ABI3BP: variants seen among roughly 807,000 people sequenced by gnomAD.
The protein encoded by ABI3BP is ABI family member 3 binding protein, also known as target of Nesh-SH3.
A neutral mutation model predicts 268.6 loss-of-function variants in ABI3BP; 216 were observed. That is an observed-to-expected ratio of 0.80 (90% CI 0.72 to 0.90). The LOEUF (loss-of-function observed/expected upper bound fraction) is 0.90, where lower values mean the gene tolerates loss of function less well. Among genes scored for constraint, ABI3BP ranks in the 40% least tolerant of loss-of-function variants. The pLI, the probability that ABI3BP is intolerant of heterozygous loss-of-function variation, is 0.00. For synonymous variants in ABI3BP, 730 were observed against 730.0 expected, an observed-to-expected ratio of 1.00 and a Z score of 0.00; for missense variants, 2,090 against 2,182.4, an observed-to-expected ratio of 0.96 and a Z score of 0.84.
chr3:100,874,854 G>T lies in ABI3BP; in HGVS notation c.897C>A (p.Leu299=). ...ASLMFEISDA[L]KTQLAKNETL... is the part of the protein sequence containing the mutation. The stretch of plus-strand genomic sequence containing the variant: ...TTTTCTGCTTACCTAATTGTGTCTT[G>T]AGTGCATCTGAAATCTCAAACATTA... The change falls in exon 9 of 68, where the codon CTC becomes CTA. Residue 299 remains leucine, a synonymous_variant. Transcript: ENST00000471714. 8 of 1,591,428 alleles carry T rather than the reference G, an allele frequency of 5.0e-6. No homozygotes were observed. Among genetic ancestry groups the T allele is most frequent in the South Asian group, 1.1e-5 (1 of 87,580 alleles).
intron 12 of ABI3BP, chr3:100,863,379 G>C (rs1320054626): frequency 6.4e-6 from 1 of 157,028 alleles, no homozygotes; most frequent in African/African-American, 2.4e-5. Context: ...TGCGTGGCAC[G>C]ATCTTGGCTC....
At chr3:100,889,937 G>A (rs1013069942) in intron 4 of ABI3BP, among the ~76,000 whole-genome samples, 1 of 152,072 alleles carries the variant, frequency 6.6e-6, no homozygotes, top group African/African-American at 2.4e-5. Flanking sequence ...TTCTCAGAGA[G>A]GGACTGGACT....
chr3:100,804,373 A>G (rs1217608838), intron 51 of ABI3BP, among the ~76,000 whole-genome samples: 1 of 152,208 alleles, frequency 6.6e-6, no homozygotes, highest in East Asian at 1.9e-4. Context: ...CAATGTGGAC[A>G]TAGTACAATT....
At chr3:100,911,618 G>T in intron 2 of ABI3BP, 1 of 691,238 alleles carries the variant, frequency 1.4e-6, no homozygotes, top group Admixed American at 2.2e-5. Flanking sequence ...TTACTGCTTG[G>T]CTAAAACCAG....
At chr3:100,921,214 A>C (rs1463443131) in intron 2 of ABI3BP, among the ~76,000 whole-genome samples, 1 of 152,228 alleles carries the variant, frequency 6.6e-6, no homozygotes, top group African/African-American at 2.4e-5. Context: ...CAAACTCTTC[A>C]ATCAGAATTT....
At chr3:100,992,201 G>A (rs755616613) in intron 1 of ABI3BP, among the ~76,000 whole-genome samples, 2 of 151,946 alleles carry the variant, frequency 1.3e-5, no homozygotes, top group Non-Finnish European at 2.9e-5. Flanking sequence ...TCACATTATC[G>A]TGTGAAATAT....
At chr3:100,773,438 T>TA (rs1178946674) in intron 61 of ABI3BP, among the ~76,000 whole-genome samples, 1 of 152,106 alleles carries the variant, frequency 6.6e-6, no homozygotes, top group African/African-American at 2.4e-5. Flanking sequence ...ATGGCTAAAA[T>TA]AAAAAAGACT....
intron 67 of ABI3BP, among the ~76,000 whole-genome samples, chr3:100,751,072 T>C (rs917958321): frequency 2.0e-5 from 3 of 152,194 alleles, no homozygotes; most frequent in Admixed American, 6.5e-5. Flanking sequence ...TCAGTCCTCA[T>C]TACACAGCTT....
Position 100,886,192 on chromosome 3 carries a change from A to G in ABI3BP, c.593T>C (p.Val198Ala). The G allele has an allele frequency of 6.2e-7, 1 of 1,605,736 alleles. No individual in the cohort carries two copies. The highest frequency in any genetic ancestry group is 8.5e-7 in the Non-Finnish European group (1 of 1,175,904). ...AATCTTACTCCAAATTCCACCTTCC[A>G]CATTGTCTTTCACTCCAAATTCATA... ...TVYEFGVKDN[V>A]EGGIWSKIFN... is the part of the protein sequence containing the mutation. The change falls in exon 5 of 68, where the codon GTG becomes GCG. Residue 198 changes from valine (V) to alanine (A), a missense_variant. Transcript: ENST00000471714.
At chr3:100,771,598 T>C (rs1367287359) in intron 61 of ABI3BP, among the ~76,000 whole-genome samples, 1 of 152,104 alleles carries the variant, frequency 6.6e-6, no homozygotes, top group Non-Finnish European at 1.5e-5. Flanking sequence ...CCAAATCAAA[T>C]TTCTAGAGAT....
intron 1 of ABI3BP, among the ~76,000 whole-genome samples, chr3:100,957,495 T>C (rs1018013395): frequency 6.6e-6 from 1 of 152,152 alleles, no homozygotes; most frequent in Admixed American, 6.5e-5. Context: ...TGGTCAGGGC[T>C]AGAGATATAA....
At chr3:100,863,068 T>C (rs2099014965) in intron 12 of ABI3BP, 159 bp from the exon 13 acceptor site, 3 of 580,454 alleles carry the variant, frequency 5.2e-6, no homozygotes, top group Non-Finnish European at 9.0e-6. Flanking sequence ...CAATGTTGAA[T>C]ATAAGAAAGT....
intron 1 of ABI3BP, among the ~76,000 whole-genome samples, chr3:100,960,922 CTTTCA>C: frequency 6.6e-6 from 1 of 152,340 alleles, no homozygotes; most frequent in East Asian, 1.9e-4. Flanking sequence ...CCAGCTGACA[CTTTCA>C]TTTCAGTCTT....
At chr3:100,947,137 A>G (rs1299702761) in intron 1 of ABI3BP, among the ~76,000 whole-genome samples, 1 of 152,122 alleles carries the variant, frequency 6.6e-6, no homozygotes, top group African/African-American at 2.4e-5. Context: ...ATGTTTTTCA[A>G]TATTAATAAA....
At chr3:100,850,248 G>A (rs1005652843) in intron 16 of ABI3BP, 129 bp from the exon 17 acceptor site, 1 of 794,508 alleles carries the variant, frequency 1.3e-6, no homozygotes, top group South Asian at 1.8e-5. Flanking sequence ...AAAAATGCAT[G>A]TAGTCTTGAA....
intron 1 of ABI3BP, among the ~76,000 whole-genome samples, chr3:100,975,298 A>T (rs749398593): frequency 6.6e-6 from 1 of 152,188 alleles, no homozygotes; most frequent in Non-Finnish European, 1.5e-5. Context: ...AGTAAACAAG[A>T]TAACAAAATT....
intron 2 of ABI3BP, chr3:100,914,538 C>T (rs2057934014): frequency 1.4e-5 from 6 of 422,144 alleles, no homozygotes; most frequent in South Asian, 8.5e-5. Context: ...GAGCTCACAG[C>T]TCATGTTGGT....
At chr3:100,871,158 A>AT (rs142672054) in intron 9 of ABI3BP, among the ~76,000 whole-genome samples, 7,524 of 152,232 alleles carry the variant, frequency 0.049, 262 homozygotes, top group Middle Eastern at 0.12. Context: ...AAGTGTTAAG[A>AT]TTTTTGGTAC....
chr3:100,784,380 A>G (rs1394995252), intron 57 of ABI3BP, among the ~76,000 whole-genome samples: 1 of 152,152 alleles, frequency 6.6e-6, no homozygotes, highest in Non-Finnish European at 1.5e-5. Flanking sequence ...AAAACAATAG[A>G]TGAGATGGCG....
Sources: allele counts gnomAD v4.1 joint callset (sites outside exome capture counted in the v4.1 genomes callset), GRCh38; gene constraint gnomAD v4.1.1; transcripts MANE v1.5; gene names NCBI Gene and HGNC (gene_info 2026-07-23, HGNC 2026-07-21).